The following MED12L variants were observed in gnomAD, a reference collection of about 807,000 sequenced individuals.
MED12L encodes mediator complex subunit 12L.
MED12L carries 60 observed loss-of-function variants against 281.3 expected under a neutral mutation model. That is an observed-to-expected ratio of 0.21 (90% confidence interval 0.17 to 0.26). MED12L has a LOEUF of 0.26. Among genes scored for constraint, MED12L ranks in the 10% least tolerant of loss-of-function variants. MED12L has a pLI of 1.00. For synonymous variants in MED12L, 974 were observed against 987.2 expected (o/e 0.99, Z 0.25); for missense variants, 2,146 against 2,680.9 (o/e 0.80, Z 4.41).
rs78799275 is a variant in MED12L, at chr3:151,241,205, C to T, written c.2250+47539C>T. ...CTGGGATTGCCTTTTGAGACTATAT[C>T]TCTTTAGTTGGTTGAGTGATCAAAT... On this transcript the variant is annotated intron_variant, in intron 16 of 44. Coordinates refer to ENST00000687756, the MANE Select transcript of MED12L (RefSeq NM_001393769.1). Among the ~76,000 whole-genome samples, 7 of 152,228 alleles carry T rather than the reference C, an allele frequency of 4.6e-5. No individual in the cohort carries two copies. In the South Asian group the frequency reaches 1.4e-3, roughly 32 times the overall value.
At chr3:151,359,370 T>C (rs996078801) in intron 20 of MED12L, among the ~76,000 whole-genome samples, 2 of 152,210 alleles carry the variant, frequency 1.3e-5, no homozygotes, top group Non-Finnish European at 2.9e-5. Context: ...TTGGCAGCTT[T>C]TACCTGCTGC....
In MED12L at chr3:151,372,619, C is replaced by T; in HGVS notation, c.3717C>T (p.Phe1239=). 2 of 1,613,900 alleles carry T rather than the reference C, an allele frequency of 1.2e-6. No individual in the cohort carries two copies. Among genetic ancestry groups the T allele is most frequent in the Non-Finnish European group, 1.7e-6 (2 of 1,179,832 alleles). ...NSVSSLKNDD[F]TMRGLRCDGN... is the part of the protein sequence containing the mutation. ...TCAGCTCTTTAAAGAATGATGACTTCACCATGAGAGGTTTGCGATGTGATG... is the reference window on the plus strand; with the variant it reads ...TCAGCTCTTTAAAGAATGATGACTTTACCATGAGAGGTTTGCGATGTGATG... The change falls in exon 27 of 45, where the codon TTC becomes TTT. Residue 1239 remains phenylalanine (F), a synonymous_variant. Coordinates refer to ENST00000687756, the MANE Select transcript of MED12L (RefSeq NM_001393769.1).
intron 11 of MED12L, among the ~76,000 whole-genome samples, chr3:151,178,954 C>G (rs1331081283): frequency 6.6e-6 from 1 of 152,168 alleles, no homozygotes; most frequent in Non-Finnish European, 1.5e-5. Flanking sequence ...TTAAGACTTT[C>G]AATTTTTTAT....
intron 11 of MED12L, among the ~76,000 whole-genome samples, chr3:151,172,903 A>G (rs1415916483): frequency 2.0e-5 from 3 of 152,128 alleles, no homozygotes; most frequent in Non-Finnish European, 4.4e-5. Context: ...TACAACTAGT[A>G]TTTTCTTATT....
intron 16 of MED12L, among the ~76,000 whole-genome samples, chr3:151,322,888 C>A (rs920540750): frequency 6.6e-6 from 1 of 152,046 alleles, no homozygotes; most frequent in Admixed American, 6.6e-5. Flanking sequence ...AAAGATTATT[C>A]CCTAGACCTC....
Position 151,284,835 on chromosome 3 carries a change from C to T in MED12L, c.2251-65224C>T, listed in dbSNP as rs556289241. 1.2e-4 allele frequency among the ~76,000 whole-genome samples: 19 copies of T among 152,144 alleles called. No individual in the cohort carries two copies. The South Asian group carries it at 1.7e-3, about 13-fold the overall frequency. ...GTTGGTCAGGCTGGTCTCGAACTCC[C>T]GACCTCAGGTGATCCACCCACCTTG... On this transcript the variant is annotated intron_variant, in intron 16 of 44. Transcript: ENST00000687756.
At chr3:151,330,768 A>G (rs1194991482) in intron 16 of MED12L, among the ~76,000 whole-genome samples, 1 of 152,200 alleles carries the variant, frequency 6.6e-6, no homozygotes. Flanking sequence ...GCACAGTTTG[A>G]AAAATTTCTC....
chr3:151,193,722 A>G (rs1337835551), intron 16 of MED12L, 56 bp downstream of exon 16: 3 of 1,419,480 alleles, frequency 2.1e-6, no homozygotes, highest in Admixed American at 1.9e-5. Context: ...AAGATCAATA[A>G]CTGTTGAACG....
At chr3:151,276,578 C>A (rs1306463786) in intron 16 of MED12L, among the ~76,000 whole-genome samples, 1 of 152,116 alleles carries the variant, frequency 6.6e-6, no homozygotes, top group African/African-American at 2.4e-5. Context: ...TATCCTGGGG[C>A]CAAATGGAAT....
intron 37 of MED12L, among the ~76,000 whole-genome samples, chr3:151,389,085 G>A (rs1713841185): frequency 6.6e-6 from 1 of 152,066 alleles, no homozygotes; most frequent in Non-Finnish European, 1.5e-5. Flanking sequence ...ACCACTTTAG[G>A]ATGCCACTTG....
chr3:151,355,282 A>G (rs1357036397), intron 18 of MED12L, 43 bp downstream of exon 18: 1 of 1,410,978 alleles, frequency 7.1e-7, no homozygotes, highest in East Asian at 2.3e-5. Context: ...CAGTATTCTA[A>G]TTTACTTAAA....
intron 16 of MED12L, among the ~76,000 whole-genome samples, chr3:151,249,554 G>A (rs1736436833): frequency 6.6e-6 from 1 of 152,052 alleles, no homozygotes; most frequent in Admixed American, 6.6e-5. Flanking sequence ...ATCTCCTCTG[G>A]GACTTGGGGG....
intron 7 of MED12L, among the ~76,000 whole-genome samples, chr3:151,159,217 T>G (rs867627589): frequency 1.3e-5 from 2 of 152,380 alleles, no homozygotes; most frequent in South Asian, 4.1e-4. Flanking sequence ...TTTTGATGAT[T>G]GGTCTAAGAT....
chr3:151,157,133 G>A (rs1006871164), intron 6 of MED12L, among the ~76,000 whole-genome samples: 2 of 152,090 alleles, frequency 1.3e-5, no homozygotes, highest in African/African-American at 4.8e-5. Flanking sequence ...GAGCTTTTAT[G>A]ACTTTTACTG....
chr3:151,195,461 A>G (rs937472643), intron 16 of MED12L, among the ~76,000 whole-genome samples: 1 of 151,934 alleles, frequency 6.6e-6, no homozygotes, highest in Admixed American at 6.6e-5. Context: ...TAATTTTTCT[A>G]TGTCCAGGGA....
intron 11 of MED12L, among the ~76,000 whole-genome samples, chr3:151,184,005 C>T (rs16863229): frequency 0.072 from 10,945 of 152,154 alleles, 904 homozygotes; most frequent in African/African-American, 0.2. Context: ...TGAATCTGGG[C>T]AGAAAGTCCT....
chr3:151,319,450 GGTGTGTGTGTGTGTGTGCGTGTGTGT>G (rs1343378543), intron 16 of MED12L, among the ~76,000 whole-genome samples: 5 of 126,934 alleles, frequency 3.9e-5, no homozygotes, highest in East Asian at 2.1e-4. Flanking sequence ...AGAACATCCA[GGTGTGTGTGTGTGTGTGCGTGTGTGT>G]GTGTGTGTGT....
intron 16 of MED12L, among the ~76,000 whole-genome samples, chr3:151,247,146 C>G (rs974246025): frequency 2.6e-5 from 4 of 152,072 alleles, no homozygotes; most frequent in African/African-American, 9.7e-5. Flanking sequence ...GAAATAGGAA[C>G]ACTTTTACAC....
chr3:151,141,285 G>A, intron 5 of MED12L, among the ~76,000 whole-genome samples: 1 of 150,262 alleles, frequency 6.7e-6, no homozygotes. Context: ...ACCTCCAAAA[G>A]TGCTGGGATT....
Sources: allele counts gnomAD v4.1 joint callset (sites outside exome capture counted in the v4.1 genomes callset), GRCh38; gene constraint gnomAD v4.1.1; transcripts MANE v1.5; gene names NCBI Gene and HGNC (gene_info 2026-07-23, HGNC 2026-07-21).